The following SLC39A11 variants were observed in gnomAD, a reference collection of about 807,000 sequenced individuals.
SLC39A11 encodes the protein zinc transporter ZIP11.
A neutral mutation model predicts 36.1 loss-of-function variants in SLC39A11; 33 were observed. The ratio of observed to expected loss-of-function variants is 0.91; its 90% CI spans 0.69 to 1.22. The LOEUF (loss-of-function observed/expected upper bound fraction) is 1.22. Among genes scored for constraint, SLC39A11 ranks in the 50% most tolerant of loss-of-function variants. SLC39A11 has a pLI of 0.00. For missense variants in SLC39A11, 432 were observed against 430.3 expected (o/e 1.00, Z -0.03); for synonymous variants, 166 against 170.3 (o/e 0.97, Z 0.20).
chr17:72,958,920 C>T (rs1287127395), intron 4 of SLC39A11, among the ~76,000 whole-genome samples: 2 of 149,908 alleles, frequency 1.3e-5, no homozygotes, highest in Non-Finnish European at 3.0e-5. Context: ...AAAAAATGCT[C>T]AACATCACCA....
intron 5 of SLC39A11, among the ~76,000 whole-genome samples, chr17:72,903,637 G>A (rs563889815): frequency 6.6e-6 from 1 of 152,296 alleles, no homozygotes; most frequent in African/African-American, 2.4e-5. Flanking sequence ...ATGAGCACCA[G>A]GTCATTTATC....
At chr17:72,655,749 T>C (rs2070084906) in intron 7 of SLC39A11, among the ~76,000 whole-genome samples, 1 of 152,096 alleles carries the variant, frequency 6.6e-6, no homozygotes. Context: ...CTGGAGCAAC[T>C]GAGGGCAGGA....
At chr17:72,775,165 C>G (rs1240832245) in intron 6 of SLC39A11, among the ~76,000 whole-genome samples, 2 of 152,130 alleles carry the variant, frequency 1.3e-5, no homozygotes, top group Admixed American at 1.3e-4. Context: ...CTGTGACACT[C>G]AGCTAACGTA....
chr17:73,069,634 C>T (rs1206643521), intron 3 of SLC39A11, among the ~76,000 whole-genome samples: 12 of 152,196 alleles, frequency 7.9e-5, no homozygotes, highest in Non-Finnish European at 1.8e-4. Context: ...CCAACCGCAG[C>T]CTCTCCACAA....
At chr17:72,822,304 T>G (rs150563644) in intron 6 of SLC39A11, among the ~76,000 whole-genome samples, 2,629 of 146,898 alleles carry the variant, frequency 0.018, 84 homozygotes, top group African/African-American at 0.053. Flanking sequence ...ATAATATATA[T>G]AGAGAGATAT....
At chr17:72,937,680 G>C (rs1217268931) in intron 5 of SLC39A11, among the ~76,000 whole-genome samples, 1 of 152,156 alleles carries the variant, frequency 6.6e-6, no homozygotes, top group Non-Finnish European at 1.5e-5. Context: ...TTCCCCAGGA[G>C]GGCTGAATCT....
At chr17:72,995,561 G>A (rs1316372285) in intron 4 of SLC39A11, among the ~76,000 whole-genome samples, 2 of 152,212 alleles carry the variant, frequency 1.3e-5, no homozygotes, top group African/African-American at 4.8e-5. Flanking sequence ...CTCCCAGCAT[G>A]GGTGAGTATC....
At chr17:73,069,883 G>A (rs1183442479) in intron 3 of SLC39A11, among the ~76,000 whole-genome samples, 1 of 152,140 alleles carries the variant, frequency 6.6e-6, no homozygotes, top group Non-Finnish European at 1.5e-5. Context: ...TTTCTAACAA[G>A]CTAGCTAAAC....
chr17:72,726,106 C>T (rs2073920520), intron 7 of SLC39A11, among the ~76,000 whole-genome samples: 1 of 152,208 alleles, frequency 6.6e-6, no homozygotes, highest in Non-Finnish European at 1.5e-5. Flanking sequence ...TTAAGATCAG[C>T]AACTTTGAGG....
intron 7 of SLC39A11, among the ~76,000 whole-genome samples, chr17:72,662,633 A>AAGAGAGAAAGAAAGAG (rs1555630781): frequency 2.7e-5 from 4 of 148,978 alleles, no homozygotes; most frequent in African/African-American, 5.0e-5. Flanking sequence ...AAAGAGAAGA[A>AAGAGAGAAAGAAAGAG]AGAGAGAAAG....
At chr17:72,809,684 C>T (rs1287486369) in intron 6 of SLC39A11, among the ~76,000 whole-genome samples, 1 of 152,166 alleles carries the variant, frequency 6.6e-6, no homozygotes, top group Non-Finnish European at 1.5e-5. Context: ...TTTTAGGAAG[C>T]AGCAGAAATG....
In SLC39A11 at chr17:72,648,566, G is replaced by A. The variant is rs1011495509; in HGVS notation, c.929+237C>T. On this transcript the variant is annotated intron_variant, in intron 9 of 9. Coordinates refer to ENST00000255559, the MANE Select transcript of SLC39A11 (RefSeq NM_139177.4). Reference sequence around the variant, plus strand: ...TAGTCTACTGCATCAAGGGACGGGGGGCAGGTGTGTATGCCACTGCCTGGT... The same window carrying A: ...TAGTCTACTGCATCAAGGGACGGGGAGCAGGTGTGTATGCCACTGCCTGGT... 4.6e-5 allele frequency among the ~76,000 whole-genome samples: 7 copies of A among 152,048 alleles called. No individual in the cohort carries two copies. The East Asian group carries it at 1.2e-3, about 25-fold the overall frequency.
intron 4 of SLC39A11, among the ~76,000 whole-genome samples, chr17:72,967,425 T>C (rs187952318): frequency 1.3e-3 from 189 of 148,652 alleles, no homozygotes; most frequent in African/African-American, 4.4e-3. Flanking sequence ...TGTTTTCCTT[T>C]TATCTAGAAG....
chr17:72,952,469 C>A (rs1486355655), intron 4 of SLC39A11, among the ~76,000 whole-genome samples: 1 of 152,230 alleles, frequency 6.6e-6, no homozygotes, highest in East Asian at 1.9e-4. Context: ...CCCCGCATAT[C>A]CCCCACCCCC....
intron 5 of SLC39A11, among the ~76,000 whole-genome samples, chr17:72,856,601 A>G (rs1176130722): frequency 6.6e-6 from 1 of 152,088 alleles, no homozygotes; most frequent in Non-Finnish European, 1.5e-5. Context: ...AAAAAGTATT[A>G]CCTGCTTTCC....
intron 4 of SLC39A11, among the ~76,000 whole-genome samples, chr17:72,976,852 AAAAAAAAGAAAAAAG>A (rs2087889452): frequency 6.6e-6 from 1 of 152,302 alleles, no homozygotes; most frequent in Non-Finnish European, 1.5e-5. Flanking sequence ...CCGTCTCAAA[AAAAAAAAGAAAAAAG>A]AAAAAAAGAA....
chr17:72,835,997 GCAGGGGCCTCA>G (rs1175518112), intron 6 of SLC39A11, among the ~76,000 whole-genome samples: 2 of 152,122 alleles, frequency 1.3e-5, no homozygotes, highest in African/African-American at 4.8e-5. Context: ...TGATAGGTGT[GCAGGGGCCTCA>G]CAGGCATTCA....
At chr17:72,748,236 C>T (rs1300681600) in intron 6 of SLC39A11, among the ~76,000 whole-genome samples, 2 of 151,622 alleles carry the variant, frequency 1.3e-5, no homozygotes, top group Admixed American at 6.6e-5. Flanking sequence ...GCTGGAGAAT[C>T]GCTTGAACAC....
intron 3 of SLC39A11, among the ~76,000 whole-genome samples, chr17:73,043,566 G>C (rs747810300): frequency 7.2e-5 from 11 of 152,102 alleles, no homozygotes; most frequent in Admixed American, 2.6e-4. Flanking sequence ...CACTGTCTTC[G>C]GCAGGGTAAC....
Sources: allele counts gnomAD v4.1 joint callset (sites outside exome capture counted in the v4.1 genomes callset), GRCh38; gene constraint gnomAD v4.1.1; transcripts MANE v1.5; gene names NCBI Gene and HGNC (gene_info 2026-07-23, HGNC 2026-07-21).